Variants in ZSCAN5A observed in about 807,000 individuals in gnomAD.
ZSCAN5A encodes the protein zinc finger and SCAN domain containing 5A.
Under a neutral mutation model 23.7 loss-of-function variants are expected in ZSCAN5A, and 12 were observed. That is an observed-to-expected ratio of 0.51 (90% confidence interval 0.32 to 0.82). ZSCAN5A has a LOEUF of 0.82. ZSCAN5A is among the 40% of genes least tolerant of loss of function. The pLI, the probability that ZSCAN5A is intolerant of heterozygous loss-of-function variation, is 0.03. For synonymous variants in ZSCAN5A, 257 were observed against 239.9 expected (o/e 1.07, Z -0.66); for missense variants, 597 against 617.9 (o/e 0.97, Z 0.36).
chr19:56,364,809 G>T (rs1339560697), intron 1 of ZSCAN5A: 3 of 152,204 alleles, frequency 2.0e-5, no homozygotes, highest in Non-Finnish European at 4.4e-5. Context: ...AGATGCAAAA[G>T]AATACATATT....
intron 2 of ZSCAN5A, among the ~76,000 whole-genome samples, chr19:56,281,470 C>A (rs573980641): frequency 6.6e-6 from 1 of 152,146 alleles, no homozygotes; most frequent in Non-Finnish European, 1.5e-5. Context: ...ACAATGCTAT[C>A]GCTGTATTGA....
At chr19:56,277,326 T>C in intron 2 of ZSCAN5A, among the ~76,000 whole-genome samples, 1 of 152,226 alleles carries the variant, frequency 6.6e-6, no homozygotes, top group Non-Finnish European at 1.5e-5. Flanking sequence ...GTGTGGTCTA[T>C]GCATACAATG....
chr19:56,289,971 G>A (rs1039500548), intron 2 of ZSCAN5A, among the ~76,000 whole-genome samples: 2 of 152,176 alleles, frequency 1.3e-5, no homozygotes, highest in Non-Finnish European at 2.9e-5. Flanking sequence ...AGAAGGAGTT[G>A]AAGAAAACGA....
At chr19:56,268,029 C>T (rs1331308705) in intron 2 of ZSCAN5A, among the ~76,000 whole-genome samples, 1 of 152,212 alleles carries the variant, frequency 6.6e-6, no homozygotes, top group Non-Finnish European at 1.5e-5. Flanking sequence ...TTTCAGGTCC[C>T]TTCTGGGAAA....
intron 2 of ZSCAN5A, among the ~76,000 whole-genome samples, chr19:56,332,203 A>G (rs2041495893): frequency 6.6e-6 from 1 of 152,142 alleles, no homozygotes; most frequent in Admixed American, 6.6e-5. Flanking sequence ...GTCAGATTTA[A>G]GTCCAGGTTT....
intron 2 of ZSCAN5A, among the ~76,000 whole-genome samples, chr19:56,302,350 CT>C (rs1192553622): frequency 7.0e-6 from 1 of 143,478 alleles, no homozygotes; most frequent in Admixed American, 7.0e-5. Context: ...TTTCCTCTTC[CT>C]TTTTTCTTCC....
At chr19:56,318,978 G>T (rs1231939778), upstream of ZSCAN5A, among the ~76,000 whole-genome samples, 1 of 152,156 alleles carries the variant, frequency 6.6e-6, no homozygotes, top group East Asian at 1.9e-4. Flanking sequence ...CACAGATGGG[G>T]GTTCCTTCAC....
At chr19:56,282,320 T>C (rs1473425150) in intron 2 of ZSCAN5A, among the ~76,000 whole-genome samples, 1 of 152,176 alleles carries the variant, frequency 6.6e-6, no homozygotes, top group Non-Finnish European at 1.5e-5. Flanking sequence ...GCACTTAGAA[T>C]GAATTGCAGC....
Position 56,276,576 on chromosome 19 carries a change from G to A in ZSCAN5A, c.-128+36707C>T, listed in dbSNP as rs1040458768. On this transcript the variant is annotated intron_variant, in intron 2 of 5. Transcript: ENST00000683990. ...TTTTTGAGACGAGCCTCGCTCTGTC[G>A]CCCAGGCTGGAGTGTAGTGGTGCGA... Among the ~76,000 whole-genome samples the A allele has an allele frequency of 6.1e-5, 9 of 147,376 alleles. No homozygotes were observed. The East Asian group carries it at 1.4e-3, about 23-fold the overall frequency.
At chr19:56,278,190 C>T (rs8101809) in intron 2 of ZSCAN5A, among the ~76,000 whole-genome samples, 63,610 of 151,354 alleles carry the variant, frequency 0.42, 14,489 homozygotes, top group Non-Finnish European at 0.51. Context: ...GGCACGGTCT[C>T]GGCTCGCCAT....
chr19:56,311,502 T>C (rs1450592576), intron 2 of ZSCAN5A, among the ~76,000 whole-genome samples: 2 of 152,186 alleles, frequency 1.3e-5, no homozygotes, highest in African/African-American at 4.8e-5. Context: ...TGAAGGCATA[T>C]TAGAAAGCAC....
At position 56,222,133 on chromosome 19, in the gene ZSCAN5A, C is replaced by A. The variant is rs780127351; in HGVS notation, c.933G>T (p.Glu311Asp). Residue 311 changes from glutamate (E) to aspartate (D), a missense_variant, in exon 6 of 6, where the codon GAG becomes GAT. Physicochemically the swap from Glu to Asp is conservative, Grantham distance 45. This residue lies in a region of ZSCAN5A where 406 missense variants were observed against 353.2 expected (regional missense o/e 1.15). Coordinates refer to ENST00000683990, the MANE Select transcript of ZSCAN5A (RefSeq NM_001322064.3). The part of the protein sequence containing the change: ...KPDASSISQE[E>D]PQGEATPVGN... ...CCACAGGTGTGGCTTCTCCTTGAGG[C>A]TCTTCTTGGGAAATGGAGGAGGCAT... is the stretch of plus-strand genomic sequence containing the variant. 3.7e-6 allele frequency: 6 copies of A among 1,613,986 alleles called. No individual in the cohort carries two copies. The African/African-American group carries it at 8.0e-5, about 22-fold the overall frequency.
At chr19:56,310,710 G>A (rs2040984807) in intron 2 of ZSCAN5A, among the ~76,000 whole-genome samples, 1 of 152,206 alleles carries the variant, frequency 6.6e-6, no homozygotes, top group Non-Finnish European at 1.5e-5. Context: ...AAATACAGTT[G>A]TGAGGATATG....
intron 2 of ZSCAN5A, among the ~76,000 whole-genome samples, chr19:56,362,611 T>C (rs1386314886): frequency 6.6e-6 from 1 of 152,116 alleles, no homozygotes; most frequent in African/African-American, 2.4e-5. Flanking sequence ...GGCTCACGCC[T>C]GTAATCCTAG....
chr19:56,252,383 C>A (rs1600099853), intron 2 of ZSCAN5A, among the ~76,000 whole-genome samples: 2 of 152,230 alleles, frequency 1.3e-5, no homozygotes, highest in Admixed American at 6.5e-5. Flanking sequence ...AATGTTAAGA[C>A]TGAGGACACA....
At chr19:56,280,912 A>C (rs2038645026) in intron 2 of ZSCAN5A, among the ~76,000 whole-genome samples, 1 of 152,154 alleles carries the variant, frequency 6.6e-6, no homozygotes, top group Non-Finnish European at 1.5e-5. Context: ...TAACACATAC[A>C]CATTTGACCC....
At chr19:56,311,159 G>A (rs543273387) in intron 2 of ZSCAN5A, among the ~76,000 whole-genome samples, 4 of 151,886 alleles carry the variant, frequency 2.6e-5, no homozygotes, top group South Asian at 4.1e-4. Flanking sequence ...AAAGGGCAGC[G>A]GAGACACAGG....
chr19:56,263,705 G>A (rs2037273708), intron 2 of ZSCAN5A: 1 of 152,130 alleles, frequency 6.6e-6, no homozygotes, highest in Non-Finnish European at 1.5e-5. Context: ...AGGCGAGAGA[G>A]GAGAGAATTA....
chr19:56,288,946 G>A (rs530472462), intron 2 of ZSCAN5A, among the ~76,000 whole-genome samples: 1 of 152,242 alleles, frequency 6.6e-6, no homozygotes, highest in Non-Finnish European at 1.5e-5. Flanking sequence ...ACCACCGCTG[G>A]GCCTTCAAAC....
Sources: allele counts gnomAD v4.1 joint callset (sites outside exome capture counted in the v4.1 genomes callset), GRCh38; gene constraint gnomAD v4.1.1; regional missense constraint gnomAD v4.1.1; transcripts MANE v1.5; gene names NCBI Gene and HGNC (gene_info 2026-07-23, HGNC 2026-07-21).